The following NTMT2 variants were observed in gnomAD, a reference collection of about 807,000 sequenced individuals.
NTMT2 encodes the protein N-terminal Xaa-Pro-Lys N-methyltransferase 2.
Under a neutral mutation model 23.4 loss-of-function variants are expected in NTMT2, and 21 were observed. The ratio of observed to expected loss-of-function variants is 0.90; its 90% CI spans 0.64 to 1.29. The LOEUF (loss-of-function observed/expected upper bound fraction) is 1.29. Among genes scored for constraint, NTMT2 ranks in the 50% most tolerant of loss-of-function variants. The pLI, the probability that NTMT2 is intolerant of heterozygous loss-of-function variation, is 0.00. For synonymous variants in NTMT2, 131 were observed against 127.7 expected (o/e 1.03, Z -0.17); for missense variants, 336 against 352.0 (o/e 0.95, Z 0.36).
intron 1 of NTMT2, 50 bp from the exon 2 acceptor site, chr1:170,160,467 AT>A (rs928294868): frequency 4.7e-5 from 65 of 1,377,938 alleles, no homozygotes; most frequent in African/African-American, 5.9e-5. Context: ...TAAAGCTGAG[AT>A]TTTTTTATCT....
At chr1:170,163,652 T>A (rs529613522) in intron 2 of NTMT2, among the ~76,000 whole-genome samples, 1 of 152,330 alleles carries the variant, frequency 6.6e-6, no homozygotes, top group South Asian at 2.1e-4. Context: ...TTGTTATATT[T>A]TATAGTTTTT....
chr1:170,167,248 T>A (rs1357275237), intron 3 of NTMT2, among the ~76,000 whole-genome samples: 1 of 152,148 alleles, frequency 6.6e-6, no homozygotes, highest in Non-Finnish European at 1.5e-5. Flanking sequence ...ATCTCATGCC[T>A]ATGAGGTCGA....
At chr1:170,158,926 C>T (rs984892269) in intron 1 of NTMT2, among the ~76,000 whole-genome samples, 4 of 151,764 alleles carry the variant, frequency 2.6e-5, no homozygotes, top group South Asian at 2.1e-4. Context: ...ATGAGTTTTT[C>T]GTTTGTTTTG....
rs1445605028 is a variant in NTMT2, at chr1:170,160,702, T to C, written c.330+9T>C. ...TTAGGAAATTTGTTGGGGTGAGTTATTCAACTGCAGCTTGATGAGAAGGCA... is the reference window on the plus strand; with the variant it reads ...TTAGGAAATTTGTTGGGGTGAGTTACTCAACTGCAGCTTGATGAGAAGGCA... On this transcript the variant is annotated intron_variant, in intron 2 of 3. Coordinates refer to ENST00000439373, the MANE Select transcript of NTMT2 (RefSeq NM_001136107.2). 1.6e-5 allele frequency: 24 copies of C among 1,521,770 alleles called. No homozygotes were observed. In the East Asian group the frequency reaches 5.4e-4, roughly 35 times the overall value. The allele number at this position is 1,521,770 out of a possible 1,614,324, so 94.3% of individuals were successfully genotyped here.
At chr1:170,147,522 A>G (rs1437533834) in intron 1 of NTMT2, among the ~76,000 whole-genome samples, 1 of 152,154 alleles carries the variant, frequency 6.6e-6, no homozygotes, top group Non-Finnish European at 1.5e-5. Flanking sequence ...GACGTATAAT[A>G]CATCTCATCT....
intron 1 of NTMT2, among the ~76,000 whole-genome samples, chr1:170,159,652 C>A (rs972177366): frequency 3.3e-5 from 5 of 152,062 alleles, no homozygotes; most frequent in Non-Finnish European, 7.4e-5. Flanking sequence ...AGATAATTCT[C>A]AGGGAATATT....
intron 1 of NTMT2, among the ~76,000 whole-genome samples, chr1:170,148,949 A>T (rs555174449): frequency 6.6e-6 from 1 of 152,332 alleles, no homozygotes; most frequent in South Asian, 2.1e-4. Context: ...AATTCTGGGC[A>T]ATATGAAGGG....
chr1:170,167,181 G>A (rs1673411798), intron 3 of NTMT2, among the ~76,000 whole-genome samples: 1 of 152,172 alleles, frequency 6.6e-6, no homozygotes, highest in African/African-American at 2.4e-5. Context: ...CAAAGAAGTG[G>A]TAATAGAGGG....
intron 1 of NTMT2, among the ~76,000 whole-genome samples, 166 bp from the exon 2 acceptor site, chr1:170,160,352 C>T (rs1256154851): frequency 6.6e-6 from 1 of 152,182 alleles, no homozygotes; most frequent in Non-Finnish European, 1.5e-5. Flanking sequence ...TTACATAGTG[C>T]ATAAGTCATG....
intron 2 of NTMT2, among the ~76,000 whole-genome samples, chr1:170,165,040 T>C (rs574174046): frequency 1.3e-5 from 2 of 152,178 alleles, no homozygotes; most frequent in South Asian, 4.1e-4. Context: ...TCCCTCTGTT[T>C]GTATTTTACC....
chr1:170,147,183 A>G (rs986807630), intron 1 of NTMT2, among the ~76,000 whole-genome samples: 22 of 152,210 alleles, frequency 1.4e-4, no homozygotes, highest in African/African-American at 4.6e-4. Context: ...CAGCCTACCA[A>G]AACCTTTTTG....
chr1:170,164,164 A>G (rs1673328571), intron 2 of NTMT2, among the ~76,000 whole-genome samples: 1 of 151,544 alleles, frequency 6.6e-6, no homozygotes, highest in African/African-American at 2.4e-5. Flanking sequence ...TTTTGAAATC[A>G]CACATCGCAT....
chr1:170,155,718 GAAAGA>G (rs1473339764), intron 1 of NTMT2, among the ~76,000 whole-genome samples: 1 of 151,998 alleles, frequency 6.6e-6, no homozygotes, highest in Non-Finnish European at 1.5e-5. Context: ...GAAAAAAGAA[GAAAGA>G]AAAGAGGATA....
chr1:170,159,152 A>G (rs1377124774), intron 1 of NTMT2, among the ~76,000 whole-genome samples: 1 of 152,192 alleles, frequency 6.6e-6, no homozygotes. Context: ...AAGAAGCCCT[A>G]CATGTGCAGG....
At position 170,160,657 on chromosome 1, in the gene NTMT2, C is replaced by A; in HGVS notation, c.294C>A (p.Ile98=). The change falls in exon 2 of 4, where the codon ATC becomes ATA. Residue 98 remains isoleucine (I), a synonymous_variant. Coordinates refer to ENST00000439373, the MANE Select transcript of NTMT2 (RefSeq NM_001136107.2). Reference sequence around the variant, plus strand: ...TCATTGAACTGTCCAGCCCAGACATCCAGGCCTCTCAGAAATTTCTTAGGA... The same window carrying A: ...TCATTGAACTGTCCAGCCCAGACATACAGGCCTCTCAGAAATTTCTTAGGA... ...GNFIELSSPD[I]QASQKFLRKF... 1.3e-6 allele frequency: 2 copies of A among 1,533,372 alleles called. No homozygotes were observed. The highest frequency in any genetic ancestry group is 1.8e-6 in the Non-Finnish European group (2 of 1,142,030). 95.0% of individuals were successfully genotyped at this position (1,533,372 alleles called of 1,614,324 possible). A position where few individuals can be genotyped will look rare whatever the true frequency, so the allele number is the denominator to read the frequency against.
rs369197295 is a variant in NTMT2, at chr1:170,166,723, T to G, written c.552T>G (p.Tyr184Ter). 2.6e-6 allele frequency: 4 copies of G among 1,552,280 alleles called. No individual in the cohort carries two copies. Among genetic ancestry groups the G allele is most frequent in the Middle Eastern group, 1.7e-4 (1 of 5,998 alleles). The change falls in exon 3 of 4, where the codon TAT becomes TAG. Residue 184 changes from tyrosine to a stop codon, truncating the protein, a stop_gained. Coordinates refer to ENST00000439373, the MANE Select transcript of NTMT2 (RefSeq NM_001136107.2). LOFTEE classifies it high-confidence loss of function. ...LQEFTPPFRR[Y>*]DVIWIQWVSG... ...AATTCACACCCCCCTTCAGGAGATA[T>G]GATGTCATCTGGATTCAGTGGGTCT... is the stretch of plus-strand genomic sequence containing the variant.
chr1:170,152,082 C>T (rs1673081037), intron 1 of NTMT2, among the ~76,000 whole-genome samples: 1 of 152,108 alleles, frequency 6.6e-6, no homozygotes, highest in Non-Finnish European at 1.5e-5. Flanking sequence ...GAACAAAAAG[C>T]TAGCTTTTAT....
intron 2 of NTMT2, chr1:170,161,565 A>C (rs1019076785): frequency 2.6e-5 from 4 of 152,140 alleles, no homozygotes; most frequent in Non-Finnish European, 1.5e-5. Flanking sequence ...TGAGCTTGTT[A>C]CTTAAATGCA....
At chr1:170,163,870 C>T (rs903059144) in intron 2 of NTMT2, among the ~76,000 whole-genome samples, 5 of 152,032 alleles carry the variant, frequency 3.3e-5, no homozygotes, top group Admixed American at 6.6e-5. Context: ...ACCTGTAATC[C>T]CATCACTTTG....
Sources: gnomAD v4.1 joint callset for allele counts (sites outside exome capture counted in the v4.1 genomes callset) on GRCh38, gnomAD v4.1.1 for gene constraint, MANE v1.5 for transcripts, NCBI Gene and HGNC (gene_info 2026-07-23, HGNC 2026-07-21) for gene names.